Variants in CLIP1 observed in about 807,000 individuals in gnomAD.
CLIP1 encodes CAP-Gly domain containing linker protein 1, also known as CAP-Gly domain-containing linker protein 1.
In CLIP1, 66 loss-of-function variants were observed where a neutral mutation model predicts 161.6. That is an observed-to-expected ratio of 0.41 (90% CI 0.33 to 0.50). The LOEUF (loss-of-function observed/expected upper bound fraction) is 0.50, where lower values mean the gene tolerates loss of function less well. Among genes scored for constraint, CLIP1 ranks in the 20% least tolerant of loss-of-function variants. The pLI is 0.27. For synonymous variants in CLIP1, 598 were observed against 626.2 expected (o/e 0.96, Z 0.67); for missense variants, 1,376 against 1,702.0 (o/e 0.81, Z 3.37).
chr12:122,292,859 C>T (rs1417188376), intron 20 of CLIP1, among the ~76,000 whole-genome samples: 7 of 151,714 alleles, frequency 4.6e-5, no homozygotes, highest in Admixed American at 6.6e-5. Flanking sequence ...AAAAATTAGC[C>T]GGGCGCGGTG....
In CLIP1 at chr12:122,404,899, C is replaced by CA. The variant is rs1418305535; in HGVS notation, c.-107+17621dup. Among the ~76,000 whole-genome samples, 643 of 75,582 alleles carry CA rather than the reference C, an allele frequency of 8.5e-3. 8 individuals carry two copies. The highest frequency in any genetic ancestry group is 0.021 in the Middle Eastern group (2 of 96). The allele number at this position is 75,582 out of a possible 152,430, so 49.6% of individuals were successfully genotyped here. Reference sequence around the variant, plus strand: ...CGGGTGACAGAGCGAGACTCCATCTCAAAAAAAAAAAACAAAACAAAAAAA... The same window carrying CA: ...CGGGTGACAGAGCGAGACTCCATCTCAAAAAAAAAAAAACAAAACAAAAAAA... On this transcript the variant is annotated intron_variant, in intron 1 of 25. Coordinates refer to ENST00000620786, the MANE Select transcript of CLIP1 (RefSeq NM_001247997.2).
At chr12:122,352,670 C>A in intron 8 of CLIP1, 56 bp downstream of exon 8, 5 of 1,428,738 alleles carry the variant, frequency 3.5e-6, no homozygotes, top group Non-Finnish European at 4.0e-6. Context: ...ATTATTTCGC[C>A]CGTGTTCTGA....
At chr12:122,334,187 C>T in intron 13 of CLIP1, 77 bp from the exon 14 acceptor site, 2 of 863,310 alleles carry the variant, frequency 2.3e-6, no homozygotes, top group Admixed American at 2.1e-5. Flanking sequence ...TCTTACAACC[C>T]AGTCAAATAT....
chr12:122,308,585 T>C (rs1950959707), intron 20 of CLIP1, among the ~76,000 whole-genome samples: 1 of 152,228 alleles, frequency 6.6e-6, no homozygotes, highest in Non-Finnish European at 1.5e-5. Flanking sequence ...AGTCGCCAAA[T>C]GATGCTGAAC....
intron 1 of CLIP1, among the ~76,000 whole-genome samples, chr12:122,409,095 G>GTTAA (rs1277394837): frequency 6.6e-6 from 1 of 151,538 alleles, no homozygotes. Context: ...ACAGGCATGA[G>GTTAA]TTACCACGCC....
intron 24 of CLIP1, 86 bp downstream of exon 24, chr12:122,278,068 G>T: frequency 8.6e-7 from 1 of 1,168,192 alleles, no homozygotes; most frequent in Non-Finnish European, 1.3e-6. Context: ...GATACAAAAG[G>T]CATCAAATGA....
chr12:122,354,310 G>C (rs1953213492), intron 7 of CLIP1, 143 bp downstream of exon 7: 5 of 526,734 alleles, frequency 9.5e-6, no homozygotes, highest in Non-Finnish European at 1.7e-5. Flanking sequence ...CAGGAGAATT[G>C]CTTGAACCTG....
In CLIP1 at chr12:122,340,915, T is replaced by C; in HGVS notation, c.2289A>G (p.Thr763=). The change falls in exon 11 of 26, where the codon ACA becomes ACG. Residue 763 remains threonine, a synonymous_variant. Transcript: ENST00000620786. ...TTTCTTCAGTAGCCTTGAGCTGTGA[T>C]GTAAAATTATCAATAACCTTGGTTT... ...NEQTKVIDNF[T]SQLKATEEKL... is the part of the protein sequence containing the mutation. 6.2e-7 allele frequency: 1 copy of C among 1,614,240 alleles called. No homozygotes were observed. The highest frequency in any genetic ancestry group is 8.5e-7 in the Non-Finnish European group (1 of 1,180,038).
At chr12:122,418,223 G>A (rs1023707013) in intron 1 of CLIP1, among the ~76,000 whole-genome samples, 1 of 152,022 alleles carries the variant, frequency 6.6e-6, no homozygotes, top group African/African-American at 2.4e-5. Flanking sequence ...CTGGCACACG[G>A]TACATGCTCA....
intron 1 of CLIP1, among the ~76,000 whole-genome samples, chr12:122,386,798 G>A (rs1212267927): frequency 2.1e-5 from 3 of 141,768 alleles, no homozygotes; most frequent in Non-Finnish European, 4.5e-5. Flanking sequence ...CAAAGAGTTT[G>A]AGACCAGCCC....
intron 3 of CLIP1, among the ~76,000 whole-genome samples, chr12:122,367,931 T>C (rs1954249394): frequency 6.6e-6 from 1 of 152,092 alleles, no homozygotes; most frequent in African/African-American, 2.4e-5. Flanking sequence ...TGAGCTATGA[T>C]CATGACACTG....
chr12:122,349,732 G>A (rs751947132), intron 9 of CLIP1, among the ~76,000 whole-genome samples: 1 of 152,242 alleles, frequency 6.6e-6, no homozygotes, highest in African/African-American at 2.4e-5. Flanking sequence ...TTTGCGAGAA[G>A]CGCACAGGAA....
chr12:122,300,028 C>A (rs995376537), intron 20 of CLIP1, among the ~76,000 whole-genome samples: 1 of 152,216 alleles, frequency 6.6e-6, no homozygotes, highest in African/African-American at 2.4e-5. Flanking sequence ...GAGGCTAAGG[C>A]CAGAGGATCG....
chr12:122,380,327 T>C (rs747159017), intron 2 of CLIP1, 41 bp downstream of exon 2: 11 of 1,195,920 alleles, frequency 9.2e-6, no homozygotes, highest in Non-Finnish European at 1.3e-5. Context: ...CAAATTGAAG[T>C]CTCCATATAG....
intron 11 of CLIP1, among the ~76,000 whole-genome samples, chr12:122,338,103 A>C (rs1952326944): frequency 1.3e-5 from 2 of 151,828 alleles, no homozygotes; most frequent in African/African-American, 4.8e-5. Context: ...TGGGAGGCCG[A>C]GGTCAGCAGA....
intron 12 of CLIP1, among the ~76,000 whole-genome samples, chr12:122,335,947 A>G (rs1952196922): frequency 6.6e-6 from 1 of 152,182 alleles, no homozygotes; most frequent in African/African-American, 2.4e-5. Flanking sequence ...TTTCTCCATA[A>G]GCCTCTGGCT....
At chr12:122,278,982 G>T in intron 22 of CLIP1, 40 bp from the exon 23 acceptor site, 1 of 1,605,236 alleles carries the variant, frequency 6.2e-7, no homozygotes. Flanking sequence ...GGGTTTGAAC[G>T]AAAGGAGGCC....
chr12:122,298,053 G>A (rs953094260), intron 20 of CLIP1, among the ~76,000 whole-genome samples: 1 of 152,192 alleles, frequency 6.6e-6, no homozygotes, highest in African/African-American at 2.4e-5. Context: ...GGTCAAGGCT[G>A]TTGCTGGGCC....
At chr12:122,350,791 A>G (rs1215813283) in intron 9 of CLIP1, among the ~76,000 whole-genome samples, 1 of 151,640 alleles carries the variant, frequency 6.6e-6, no homozygotes, top group Non-Finnish European at 1.5e-5. Context: ...TTCCACTAAA[A>G]TTAGAAGACA....
Sources: allele counts gnomAD v4.1 joint callset (sites outside exome capture counted in the v4.1 genomes callset), GRCh38; gene constraint gnomAD v4.1.1; transcripts MANE v1.5; gene names NCBI Gene and HGNC (gene_info 2026-07-23, HGNC 2026-07-21).